Variants in PLS1 observed in about 807,000 individuals in gnomAD.
The protein encoded by PLS1 is plastin-1.
A neutral mutation model predicts 73.7 loss-of-function variants in PLS1; 32 were observed. The observed-to-expected ratio is 0.43, with a 90% CI of 0.33 to 0.58. The LOEUF (loss-of-function observed/expected upper bound fraction) is 0.58, where lower values mean the gene tolerates loss of function less well. Among genes scored for constraint, PLS1 ranks in the 20% least tolerant of loss-of-function variants. The probability of loss-of-function intolerance (pLI) is 0.04; values close to 1 mark genes in which losing one functional copy is unlikely to be tolerated. For synonymous variants in PLS1, 217 were observed against 261.3 expected, an observed-to-expected ratio of 0.83 and a Z score of 1.63; for missense variants, 633 against 740.5, an observed-to-expected ratio of 0.85 and a Z score of 1.68.
chr3:142,637,383 A>T (rs1046352170), intron 1 of PLS1, among the ~76,000 whole-genome samples: 3 of 152,160 alleles, frequency 2.0e-5, no homozygotes, highest in Non-Finnish European at 2.9e-5. Flanking sequence ...ACAGAGGAGG[A>T]CGGGAAGGAG....
At chr3:142,600,900 ATATATATATATATATATTTTTTTTTT>A (rs1401108077) in intron 1 of PLS1, among the ~76,000 whole-genome samples, 2 of 29,626 alleles carry the variant, frequency 6.8e-5, no homozygotes, top group African/African-American at 4.2e-4. Context: ...ATATATATAT[ATATATATATATATATATTTTTTTTTT>A]TTTTTTTTTT....
In PLS1 at chr3:142,616,138, A is replaced by G. The variant is rs535285714; in HGVS notation, c.-37+19629A>G. ...GTGAGAAAGAAGTGCAAAGAGGCCA[A>G]AGCTTCTGCTTTGACAATAGGTCCT... On this transcript the variant is annotated intron_variant, in intron 1 of 15. Transcript: ENST00000457734. Among the ~76,000 whole-genome samples, 283 of 152,330 alleles carry G rather than the reference A, an allele frequency of 1.9e-3. 1 individual carries two copies. The highest frequency in any genetic ancestry group is 6.2e-3 in the African/African-American group (259 of 41,578).
chr3:142,669,517 C>A lies in PLS1; in HGVS notation c.198C>A (p.Asn66Lys), dbSNP rs2107840572. Residue 66 changes from asparagine (N) to lysine (K), a missense_variant, in exon 3 of 16, where the codon AAC becomes AAA. Asn to Lys is a moderately conservative substitution (Grantham distance 94, BLOSUM62 0). Coordinates refer to ENST00000457734, the MANE Select transcript of PLS1 (RefSeq NM_001145319.2). The part of the protein sequence containing the change: ...VEKILSVADS[N>K]KDGKISFEEF... ...AAATTCTATCAGTTGCTGACAGCAA[C>A]AAAGATGGCAAAATCAGTTTTGAAG... is the stretch of plus-strand genomic sequence containing the variant. 6.2e-7 allele frequency: 1 copy of A among 1,613,216 alleles called. No homozygotes were observed. The highest frequency in any genetic ancestry group is 2.2e-5 in the East Asian group (1 of 44,830).
intron 1 of PLS1, among the ~76,000 whole-genome samples, chr3:142,603,532 A>G (rs956173649): frequency 4.6e-5 from 7 of 152,140 alleles, no homozygotes; most frequent in African/African-American, 1.7e-4. Context: ...TAATCCCAGC[A>G]CTTTGGGAGG....
chr3:142,650,536 G>A (rs2037064904), intron 1 of PLS1, among the ~76,000 whole-genome samples: 1 of 152,078 alleles, frequency 6.6e-6, no homozygotes, highest in South Asian at 2.1e-4. Flanking sequence ...GCCTTGTTAC[G>A]TCTTGTTGGC....
chr3:142,682,118 C>G (rs1193349621), intron 6 of PLS1, among the ~76,000 whole-genome samples: 1 of 152,180 alleles, frequency 6.6e-6, no homozygotes, highest in East Asian at 1.9e-4. Context: ...TGGTTTAGGG[C>G]AGGTCTTTCA....
intron 6 of PLS1, among the ~76,000 whole-genome samples, chr3:142,682,054 T>C (rs1577885622): frequency 1.3e-5 from 2 of 152,166 alleles, no homozygotes; most frequent in East Asian, 3.9e-4. Context: ...TTGCAAAGCT[T>C]TGTTAGTGTC....
intron 1 of PLS1, among the ~76,000 whole-genome samples, chr3:142,631,880 A>T (rs2036573124): frequency 6.6e-6 from 1 of 152,084 alleles, no homozygotes; most frequent in Admixed American, 6.6e-5. Flanking sequence ...GACTTCATCA[A>T]ACCAAAAAAC....
chr3:142,670,327 A>C (rs1416652995), intron 3 of PLS1, among the ~76,000 whole-genome samples: 1 of 152,142 alleles, frequency 6.6e-6, no homozygotes, highest in African/African-American at 2.4e-5. Context: ...GTGTGACTGG[A>C]GCTGAGATGG....
At position 142,704,483 on chromosome 3, in the gene PLS1, C is replaced by T. The variant is rs773749532; in HGVS notation, c.1526C>T (p.Ser509Leu). Residue 509 changes from serine to leucine, a missense_variant, in exon 14 of 16, where the codon TCG becomes TTG. Ser to Leu is a moderately radical substitution (Grantham distance 145). Coordinates refer to ENST00000457734, the MANE Select transcript of PLS1 (RefSeq NM_001145319.2). ...TGCAGGTACACATTGAATGTGTTAT[C>T]GGATCTTGGAGAGGGTGAAAAAGTA... ...LMRRYTLNVLSDLGEGEKVND... is the reference protein window; with the variant it reads ...LMRRYTLNVLLDLGEGEKVND... 9 of 1,602,244 alleles carry T rather than the reference C, an allele frequency of 5.6e-6. No homozygotes were observed. Among genetic ancestry groups the T allele is most frequent in the Middle Eastern group, 1.7e-4 (1 of 5,950 alleles).
intron 1 of PLS1, among the ~76,000 whole-genome samples, chr3:142,616,384 T>C (rs373059913): frequency 2.6e-5 from 4 of 152,332 alleles, no homozygotes; most frequent in East Asian, 1.9e-4. Flanking sequence ...GAACACTAAA[T>C]GATATAGAAA....
chr3:142,620,887 A>G (rs1004757398), intron 1 of PLS1, among the ~76,000 whole-genome samples: 2 of 152,210 alleles, frequency 1.3e-5, no homozygotes, highest in East Asian at 1.9e-4. Context: ...GCGCGGTGGC[A>G]GGTGCCTGTA....
intron 12 of PLS1, 97 bp from the exon 13 acceptor site, chr3:142,703,771 C>G: frequency 1.5e-6 from 1 of 684,228 alleles, no homozygotes; most frequent in Non-Finnish European, 2.5e-6. Context: ...TTTAAGGTGT[C>G]ATCATAATTG....
intron 4 of PLS1, among the ~76,000 whole-genome samples, chr3:142,672,420 G>A (rs1218374474): frequency 6.9e-6 from 1 of 145,906 alleles, no homozygotes; most frequent in Non-Finnish European, 1.5e-5. Flanking sequence ...TCGGCTCACT[G>A]CAAGCTCCAC....
At chr3:142,674,058 T>C (rs7632003) in intron 4 of PLS1, among the ~76,000 whole-genome samples, 1 of 152,248 alleles carries the variant, frequency 6.6e-6, no homozygotes, top group South Asian at 2.1e-4. Flanking sequence ...GTACCTCCTC[T>C]ATGAAGCCTT....
At chr3:142,653,726 G>A (rs977219639) in intron 1 of PLS1, among the ~76,000 whole-genome samples, 7 of 151,958 alleles carry the variant, frequency 4.6e-5, no homozygotes, top group East Asian at 1.9e-4. Flanking sequence ...CCTATAATAC[G>A]TGTATATAGT....
In PLS1 at chr3:142,661,871, CTCTG is replaced by C. The variant is rs1431591055; in HGVS notation, c.-36-2327_-36-2324del. Among the ~76,000 whole-genome samples, 4 of 152,120 alleles carry C rather than the reference CTCTG, an allele frequency of 2.6e-5. No individual in the cohort carries two copies. In the East Asian group the frequency reaches 7.7e-4, roughly 29 times the overall value. ...ATTTTAAAAATAAGAGTTGTGGCTACTCTGTCTATGGAGTAGCCATTCTTTTATT... is the reference window on the plus strand; with the variant it reads ...ATTTTAAAAATAAGAGTTGTGGCTACTCTATGGAGTAGCCATTCTTTTATT... On this transcript the variant is annotated intron_variant, in intron 1 of 15. Transcript: ENST00000457734.
intron 10 of PLS1, 77 bp from the exon 11 acceptor site, chr3:142,694,392 C>A: frequency 2.4e-6 from 2 of 820,408 alleles, no homozygotes; most frequent in Non-Finnish European, 3.9e-6. Flanking sequence ...CCAGTTTGTA[C>A]CTGCTAGAAT....
chr3:142,655,722 C>CAA (rs869165571), intron 1 of PLS1, among the ~76,000 whole-genome samples: 6 of 65,342 alleles, frequency 9.2e-5, no homozygotes, highest in Middle Eastern at 7.8e-3. Flanking sequence ...AATTCCGTCT[C>CAA]AAAAAAAAAA....
Sources: gnomAD v4.1 joint callset for allele counts (sites outside exome capture counted in the v4.1 genomes callset) on GRCh38, gnomAD v4.1.1 for gene constraint, MANE v1.5 for transcripts, NCBI Gene and HGNC (gene_info 2026-07-23, HGNC 2026-07-21) for gene names.